ZBTB20: variants seen among roughly 807,000 people sequenced by gnomAD.
ZBTB20 encodes the protein zinc finger and BTB domain-containing protein 20.
A neutral mutation model predicts 56.9 loss-of-function variants in ZBTB20; 9 were observed. The observed-to-expected ratio is 0.16, with a 90% CI of 0.10 to 0.28. ZBTB20 has a LOEUF of 0.28. Among genes scored for constraint, ZBTB20 ranks in the 10% least tolerant of loss-of-function variants. ZBTB20 has a pLI of 1.00. For synonymous variants in ZBTB20, 417 were observed against 420.7 expected, an observed-to-expected ratio of 0.99 and a Z score of 0.11; for missense variants, 655 against 1,003.0, an observed-to-expected ratio of 0.65 and a Z score of 4.69.
At chr3:114,696,454 A>G (rs557747085) in intron 5 of ZBTB20, among the ~76,000 whole-genome samples, 1 of 152,052 alleles carries the variant, frequency 6.6e-6, no homozygotes, top group African/African-American at 2.4e-5. Context: ...AACTACCACC[A>G]CTGCTGCTAC....
At chr3:114,625,321 G>A (rs1172015007) in intron 6 of ZBTB20, among the ~76,000 whole-genome samples, 1 of 152,094 alleles carries the variant, frequency 6.6e-6, no homozygotes, top group African/African-American at 2.4e-5. Context: ...GAGGATAAAA[G>A]ATGCTCATTA....
intron 4 of ZBTB20, among the ~76,000 whole-genome samples, chr3:114,816,443 G>C (rs554366825): frequency 1.3e-5 from 2 of 152,132 alleles, no homozygotes; most frequent in Non-Finnish European, 2.9e-5. Context: ...AATTAAGATA[G>C]AATAACCATT....
At chr3:114,347,375 T>A (rs1455501762) in intron 11 of ZBTB20, among the ~76,000 whole-genome samples, 4 of 152,178 alleles carry the variant, frequency 2.6e-5, no homozygotes, top group African/African-American at 4.8e-5. Flanking sequence ...TCTTTTTTTT[T>A]AGGACTCTTT....
intron 5 of ZBTB20, among the ~76,000 whole-genome samples, chr3:114,737,370 AAAAAC>A (rs1436393459): frequency 1.3e-5 from 2 of 152,188 alleles, no homozygotes; most frequent in African/African-American, 4.8e-5. Flanking sequence ...GTTAAAAACT[AAAAAC>A]AAAAATACTG....
At chr3:114,836,250 A>G (rs1033818306) in intron 4 of ZBTB20, among the ~76,000 whole-genome samples, 3 of 152,226 alleles carry the variant, frequency 2.0e-5, no homozygotes, top group Admixed American at 2.0e-4. Flanking sequence ...CTAGCATTCT[A>G]TAAGAGATAT....
At chr3:114,813,662 G>A (rs1466749108) in intron 4 of ZBTB20, among the ~76,000 whole-genome samples, 1 of 152,170 alleles carries the variant, frequency 6.6e-6, no homozygotes, top group Non-Finnish European at 1.5e-5. Context: ...GAGGCAGGAG[G>A]ATAGCTTGAG....
rs763345837 is a variant in ZBTB20 at position 114,322,597 on chromosome 3, T to C, written c.*16408A>G. 5.9e-5 allele frequency: 9 copies of C among 152,350 alleles called. No individual in the cohort carries two copies. Among genetic ancestry groups the C allele is most frequent in the Non-Finnish European group, 1.3e-4 (9 of 68,026 alleles). 9.4% of individuals were successfully genotyped at this position (152,350 alleles called of 1,614,324 possible). ...GTTAATGTGAATATATTTTAAAAAG[T>C]CAATCATTTCTTTCTATAGCTTTGG... On this transcript the variant is annotated 3_prime_UTR_variant, in exon 12 of 12. Coordinates refer to ENST00000675478, the MANE Select transcript of ZBTB20 (RefSeq NM_001348800.3).
intron 1 of ZBTB20, among the ~76,000 whole-genome samples, chr3:115,115,041 A>G (rs913351394): frequency 5.3e-5 from 8 of 152,156 alleles, no homozygotes; most frequent in Non-Finnish European, 8.8e-5. Flanking sequence ...ATTACAAAGT[A>G]TCATAAAGAT....
intron 2 of ZBTB20, among the ~76,000 whole-genome samples, chr3:114,998,152 C>T (rs1242982092): frequency 6.6e-6 from 1 of 151,516 alleles, no homozygotes; most frequent in Non-Finnish European, 1.5e-5. Context: ...TACCCGTTAC[C>T]CAGCTTTCCA....
intron 4 of ZBTB20, among the ~76,000 whole-genome samples, chr3:114,809,357 T>A (rs2072346797): frequency 6.6e-6 from 1 of 152,138 alleles, no homozygotes; most frequent in Non-Finnish European, 1.5e-5. Flanking sequence ...CTCTGCTCAT[T>A]TTTTCATTGT....
chr3:114,856,229 C>T (rs1423107902), intron 4 of ZBTB20, among the ~76,000 whole-genome samples: 1 of 152,186 alleles, frequency 6.6e-6, no homozygotes, highest in Non-Finnish European at 1.5e-5. Flanking sequence ...TTACCACCTA[C>T]AAATGATTTC....
intron 1 of ZBTB20, among the ~76,000 whole-genome samples, chr3:115,115,762 G>A (rs2084000203): frequency 2.0e-5 from 3 of 151,900 alleles, no homozygotes; most frequent in Non-Finnish European, 4.4e-5. Context: ...ATTTTGTAAA[G>A]TCTGTACTGA....
At chr3:114,724,270 A>G (rs996360989) in intron 5 of ZBTB20, among the ~76,000 whole-genome samples, 1 of 152,188 alleles carries the variant, frequency 6.6e-6, no homozygotes, top group Non-Finnish European at 1.5e-5. Context: ...GTTCTCTCTG[A>G]TAACATTGAA....
intron 6 of ZBTB20, among the ~76,000 whole-genome samples, chr3:114,542,208 T>C (rs2049196820): frequency 6.6e-6 from 1 of 152,162 alleles, no homozygotes; most frequent in Non-Finnish European, 1.5e-5. Context: ...GCAGGTGAGT[T>C]AAATGAATTC....
intron 5 of ZBTB20, among the ~76,000 whole-genome samples, chr3:114,770,614 G>GA (rs1227675239): frequency 1.3e-5 from 2 of 152,100 alleles, no homozygotes; most frequent in African/African-American, 4.8e-5. Flanking sequence ...CAACTGAGTA[G>GA]AAAAAAGCGC....
intron 2 of ZBTB20, among the ~76,000 whole-genome samples, chr3:114,976,704 G>A (rs866171222): frequency 4.0e-5 from 6 of 151,426 alleles, no homozygotes; most frequent in African/African-American, 1.5e-4. Flanking sequence ...CTAGTATAAT[G>A]GCCAGCATAT....
At chr3:115,020,117 T>C (rs992362868) in intron 2 of ZBTB20, among the ~76,000 whole-genome samples, 9 of 151,210 alleles carry the variant, frequency 6.0e-5, no homozygotes, top group African/African-American at 1.7e-4. Context: ...GTAGGATTAG[T>C]TGCACTTCCT....
At chr3:114,740,132 A>G (rs910695936) in intron 5 of ZBTB20, among the ~76,000 whole-genome samples, 15 of 152,142 alleles carry the variant, frequency 9.9e-5, no homozygotes, top group African/African-American at 3.4e-4. Context: ...AATCCATTTT[A>G]AGGTTTGGTA....
intron 6 of ZBTB20, among the ~76,000 whole-genome samples, chr3:114,675,768 C>T (rs2061591639): frequency 6.6e-6 from 1 of 152,088 alleles, no homozygotes; most frequent in East Asian, 1.9e-4. Flanking sequence ...TGATCCACAC[C>T]TTTCACATAT....
Sources: allele counts gnomAD v4.1 joint callset (sites outside exome capture counted in the v4.1 genomes callset), GRCh38; gene constraint gnomAD v4.1.1; transcripts MANE v1.5; gene names NCBI Gene and HGNC (gene_info 2026-07-23, HGNC 2026-07-21).